NTSR2: variants seen among roughly 807,000 people sequenced by gnomAD.
NTSR2 encodes the protein neurotensin receptor type 2.
Under a neutral mutation model 24.1 loss-of-function variants are expected in NTSR2, and 22 were observed. The observed-to-expected ratio is 0.91, with a 90% CI of 0.65 to 1.30. The LOEUF is 1.30. Ranked by LOEUF, NTSR2 falls within the 50% of genes most tolerant of loss-of-function variation. NTSR2 has a pLI of 0.00. For missense variants in NTSR2, 570 were observed against 570.4 expected, an observed-to-expected ratio of 1.00 and a Z score of 0.01; for synonymous variants, 291 against 267.0, an observed-to-expected ratio of 1.09 and a Z score of -0.88.
intron 1 of NTSR2, 47 bp downstream of exon 1, chr2:11,669,459 C>CGGGGGGGGGGGGGGGGGGGGGGGG: frequency 7.7e-5 from 26 of 337,892 alleles, no homozygotes; most frequent in Non-Finnish European, 8.4e-5. Flanking sequence ...CTCCCAGCAC[C>CGGGGGGGGGGGGGGGGGGGGGGGG]GCCCCCCCAC....
intron 1 of NTSR2, chr2:11,666,092 G>T (rs1246922001): frequency 6.6e-6 from 1 of 152,284 alleles, no homozygotes; most frequent in Non-Finnish European, 1.5e-5. Context: ...GGCAAAAGGA[G>T]GATGATACCC....
intron 2 of NTSR2, among the ~76,000 whole-genome samples, 176 bp from the exon 3 acceptor site, chr2:11,660,309 T>C (rs189886421): frequency 6.6e-6 from 1 of 152,244 alleles, no homozygotes; most frequent in African/African-American, 2.4e-5. Flanking sequence ...CCGACCTGAA[T>C]CTCTTCTCAA....
In NTSR2 at chr2:11,660,160, A is replaced by C. The variant is rs770332668; in HGVS notation, c.899-27T>G. Reference sequence around the variant, plus strand: ...TGCAGAGCATTGGAAAGGGAGAGACAGCGCCAGGAGAAAGCAAACACATTC... The same window carrying C: ...TGCAGAGCATTGGAAAGGGAGAGACCGCGCCAGGAGAAAGCAAACACATTC... On this transcript the variant is annotated intron_variant, in intron 2 of 3. Coordinates refer to ENST00000306928, the MANE Select transcript of NTSR2 (RefSeq NM_012344.4). 5.1e-6 allele frequency: 8 copies of C among 1,573,224 alleles called. No individual in the cohort carries two copies. In the East Asian group the frequency reaches 1.1e-4, roughly 22 times the overall value.
At position 11,669,707 on chromosome 2, in the gene NTSR2, C is replaced by G; in HGVS notation, c.423G>C (p.Leu141=). The change falls in exon 1 of 4, where the codon CTG becomes CTC. Residue 141 remains leucine, a synonymous_variant. Transcript: ENST00000306928. ...AERCLAVCQP[L]RARSLLTPRR... ...GTGGCGTCAGCAGGCTGCGGGCACGCAGGGGCTGGCACACGGCTAGGCAGC... is the reference window on the plus strand; with the variant it reads ...GTGGCGTCAGCAGGCTGCGGGCACGGAGGGGCTGGCACACGGCTAGGCAGC... 6.5e-7 allele frequency: 1 copy of G among 1,528,824 alleles called. No individual in the cohort carries two copies. The highest frequency in any genetic ancestry group is 8.7e-7 in the Non-Finnish European group (1 of 1,142,890). The allele number at this position is 1,528,824 out of a possible 1,614,324, so 94.7% of individuals were successfully genotyped here.
In NTSR2 at chr2:11,669,511, T is replaced by C. The variant is rs1661277036; in HGVS notation, c.619A>G (p.Ile207Val). The C allele has an allele frequency of 8.9e-6, 10 of 1,129,804 alleles. No homozygotes were observed. The highest frequency in any genetic ancestry group is 9.8e-6 in the Non-Finnish European group (9 of 917,390). The allele number at this position is 1,129,804 out of a possible 1,614,324, so 70.0% of individuals were successfully genotyped here. A position where few individuals can be genotyped will look rare whatever the true frequency, so the allele number is the denominator to read the frequency against. ...LVSRTALQVF[I>V]QVNVLVSFVL... ...CCCGCTCTCCACGCCCTTACCTGGA[T>C]AAAGACTTGGAGCGCGGTGCGGCTC... is the stretch of plus-strand genomic sequence containing the variant. Residue 207 changes from isoleucine (I) to valine (V), a missense_variant, in exon 1 of 4, where the codon ATC (isoleucine) becomes GTC (valine). Transcript: ENST00000306928.
At chr2:11,663,800 T>C (rs1418145834) in intron 1 of NTSR2, among the ~76,000 whole-genome samples, 1 of 143,908 alleles carries the variant, frequency 6.9e-6, no homozygotes, top group Non-Finnish European at 1.6e-5. Context: ...GTGGATACAA[T>C]TTAAAACAGA....
In NTSR2 at chr2:11,670,149, C is replaced by T; in HGVS notation, c.-20G>A. 2 of 1,362,118 alleles carry T rather than the reference C, an allele frequency of 1.5e-6. No homozygotes were observed. The highest frequency in any genetic ancestry group is 1.9e-6 in the Non-Finnish European group (2 of 1,065,536). 84.4% of individuals were successfully genotyped at this position (1,362,118 alleles called of 1,614,324 possible). On this transcript the variant is annotated 5_prime_UTR_variant, in exon 1 of 4. Transcript: ENST00000306928. The stretch of plus-strand genomic sequence containing the variant: ...TTCCATCCCGCTCCCGCGGCCGGCG[C>T]TCCCTCCCTCTCACTGCCCGGAGTC...
At chr2:11,669,460 G>GGGCGGGGGCGGCCCCCCCCCCCCCCCCCC in intron 1 of NTSR2, 46 bp downstream of exon 1, 1 of 254,726 alleles carries the variant, frequency 3.9e-6, no homozygotes, top group Non-Finnish European at 6.9e-6. Context: ...TCCCAGCACC[G>GGGCGGGGGCGGCCCCCCCCCCCCCCCCCC]CCCCCCCACC....
chr2:11,661,801 C>T (rs532121717), intron 2 of NTSR2, among the ~76,000 whole-genome samples, 166 bp downstream of exon 2: 3 of 152,262 alleles, frequency 2.0e-5, no homozygotes, highest in Admixed American at 6.5e-5. Flanking sequence ...ATTATAGCAC[C>T]GAACCCTACA....
chr2:11,661,232 A>T (rs1426074084), intron 2 of NTSR2, among the ~76,000 whole-genome samples: 2 of 152,254 alleles, frequency 1.3e-5, no homozygotes, highest in Non-Finnish European at 2.9e-5. Flanking sequence ...AGCTGAGCGC[A>T]ATAGGTCTCA....
intron 1 of NTSR2, among the ~76,000 whole-genome samples, chr2:11,667,649 A>C (rs1048652862): frequency 2.6e-5 from 4 of 152,196 alleles, no homozygotes; most frequent in African/African-American, 9.7e-5. Flanking sequence ...CGAGCCTTAT[A>C]AACTTTTAAA....
At position 11,669,555 on chromosome 2, in the gene NTSR2, C is replaced by T. The variant is rs202147891; in HGVS notation, c.575G>A (p.Arg192Gln). The T allele has an allele frequency of 1.1e-4, 173 of 1,553,468 alleles. No homozygotes were observed. In the African/African-American group the frequency reaches 2.3e-3, roughly 20 times the overall value. ...TADGEPEPAS[R>Q]VCTVLVSRTA... ...GCGGCTCACCAGCACCGTGCACACT[C>T]GCGAGGCGGGCTCCGGCTCCCCGTC... The change falls in exon 1 of 4, where the codon CGA becomes CAA. Residue 192 changes from arginine to glutamine, a missense_variant. By Grantham distance (43) the Arg-to-Gln change is conservative. Coordinates refer to ENST00000306928, the MANE Select transcript of NTSR2 (RefSeq NM_012344.4).
At position 11,670,132 on chromosome 2, in the gene NTSR2, C is replaced by A. The variant is rs953414193; in HGVS notation, c.-3G>T. ...GGCCGCGGGCTGCTGGTTTCCATCC[C>A]GCTCCCGCGGCCGGCGCTCCCTCCC... is the stretch of plus-strand genomic sequence containing the variant. On this transcript the variant is annotated 5_prime_UTR_variant, in exon 1 of 4. Coordinates refer to ENST00000306928, the MANE Select transcript of NTSR2 (RefSeq NM_012344.4). The A allele has an allele frequency of 3.7e-6, 5 of 1,369,156 alleles. No individual in the cohort carries two copies. Among genetic ancestry groups the A allele is most frequent in the Non-Finnish European group, 4.7e-6 (5 of 1,068,844 alleles). The allele number at this position is 1,369,156 out of a possible 1,614,324, so 84.8% of individuals were successfully genotyped here.
chr2:11,669,339 C>A (rs1004939822), intron 1 of NTSR2, among the ~76,000 whole-genome samples, 167 bp downstream of exon 1: 8 of 152,200 alleles, frequency 5.3e-5, no homozygotes, highest in Non-Finnish European at 7.3e-5. Context: ...ACTTTGGCCA[C>A]GCCTCCCTCC....
chr2:11,664,270 C>G (rs2148486417), intron 1 of NTSR2, among the ~76,000 whole-genome samples: 1 of 152,252 alleles, frequency 6.6e-6, no homozygotes, highest in Non-Finnish European at 1.5e-5. Flanking sequence ...GCATGTGCCA[C>G]TACGCCTGGC....
intron 1 of NTSR2, 46 bp downstream of exon 1, chr2:11,669,460 G>GTCCCGGGGCCCCCCCC: frequency 3.9e-6 from 1 of 254,726 alleles, no homozygotes; most frequent in East Asian, 5.5e-5. Context: ...TCCCAGCACC[G>GTCCCGGGGCCCCCCCC]CCCCCCCACC....
At chr2:11,663,753 G>A (rs1173925734) in intron 1 of NTSR2, among the ~76,000 whole-genome samples, 1 of 152,120 alleles carries the variant, frequency 6.6e-6, no homozygotes, top group Admixed American at 6.5e-5. Context: ...CAGGAATGTG[G>A]GAGAGTGAAA....
chr2:11,661,139 C>T (rs566804770), intron 2 of NTSR2, among the ~76,000 whole-genome samples: 11 of 152,198 alleles, frequency 7.2e-5, no homozygotes, highest in East Asian at 1.9e-4. Context: ...TCTTGGGCCC[C>T]GCGGCTTGCA....
chr2:11,669,899 G>C lies in NTSR2; in HGVS notation c.231C>G (p.Leu77=). The change falls in exon 1 of 4, where the codon CTC becomes CTG. Residue 77 remains leucine, a synonymous_variant. Coordinates refer to ENST00000306928, the MANE Select transcript of NTSR2 (RefSeq NM_012344.4). ...RLRHHVLSLA[L]AGLLLLLVGV... ...CGACCAGCAGCAGCAGCAGGCCCGCGAGCGCCAGGCTGAGCACGTGGTGGC... is the reference window on the plus strand; with the variant it reads ...CGACCAGCAGCAGCAGCAGGCCCGCCAGCGCCAGGCTGAGCACGTGGTGGC... 2 of 1,572,052 alleles carry C rather than the reference G, an allele frequency of 1.3e-6. No homozygotes were observed. The highest frequency in any genetic ancestry group is 1.7e-6 in the Non-Finnish European group (2 of 1,165,446).
Sources: allele counts gnomAD v4.1 joint callset (sites outside exome capture counted in the v4.1 genomes callset), GRCh38; gene constraint gnomAD v4.1.1; transcripts MANE v1.5; gene names NCBI Gene and HGNC (gene_info 2026-07-23, HGNC 2026-07-21).